The following CHD8 variants were observed in gnomAD, a reference collection of about 807,000 sequenced individuals.
CHD8 encodes ATP-dependent chromatin remodeler CHD8.
A neutral mutation model predicts 279.2 loss-of-function variants in CHD8; 31 were observed. The ratio of observed to expected loss-of-function variants is 0.11; its 90% CI spans 0.08 to 0.15. CHD8 has a LOEUF of 0.15. Ranked by LOEUF, CHD8 falls within the 10% of genes least tolerant of loss-of-function variation. CHD8 has a pLI of 1.00. For missense variants in CHD8, 2,146 were observed against 3,230.5 expected (o/e 0.66, Z 8.14); for synonymous variants, 1,081 against 1,139.6 (o/e 0.95, Z 1.04).
At position 21,386,003 on chromosome 14, in the gene CHD8, A is replaced by C. The variant is rs752641678; in HGVS notation, c.7356T>G (p.Ser2452Arg). 6.2e-5 allele frequency: 99 copies of C among 1,589,862 alleles called. No individual in the cohort carries two copies. Among genetic ancestry groups the C allele is most frequent in the Non-Finnish European group, 8.5e-5 (99 of 1,167,670 alleles). Reference protein sequence around the residue: ...SLHNTFQHSSSGLQSVSSLGH... With the variant: ...SLHNTFQHSSRGLQSVSSLGH... ...CCAAAGATGACACAGACTGTAGGCC[A>C]CTACTGCTGTGTTGGAACGTGTTAT... The change falls in exon 38 of 38, where the codon AGT becomes AGG. Residue 2452 changes from serine to arginine, a missense_variant. Transcript: ENST00000646647.
rs1301933828 is a variant in CHD8 at position 21,403,899 on chromosome 14, G to A, written c.3308-236C>T. 2.0e-5 allele frequency among the ~76,000 whole-genome samples: 3 copies of A among 152,166 alleles called. No homozygotes were observed. The highest frequency in any genetic ancestry group is 4.4e-5 in the Non-Finnish European group (3 of 68,036). On this transcript the variant is annotated intron_variant, in intron 16 of 37. Coordinates refer to ENST00000646647, the MANE Select transcript of CHD8 (RefSeq NM_001170629.2). The surrounding 1 kb of genome is among the most constrained non-coding windows in gnomAD (Gnocchi z 4.3). The stretch of plus-strand genomic sequence containing the variant: ...GGATCACTTGAGGTCAGGAGTTCGA[G>A]ACCAGTCTGGCCAACATGGTGAAAC...
At position 21,405,587 on chromosome 14, in the gene CHD8, C is replaced by T; in HGVS notation, c.3052-123G>A. 1 of 1,466,738 alleles carries T rather than the reference C, an allele frequency of 6.8e-7. No homozygotes were observed. Among genetic ancestry groups the T allele is most frequent in the Non-Finnish European group, 9.2e-7 (1 of 1,082,814 alleles). The allele number at this position is 1,466,738 out of a possible 1,614,324, so 90.9% of individuals were successfully genotyped here. A position where few individuals can be genotyped will look rare whatever the true frequency, so the allele number is the denominator to read the frequency against. On this transcript the variant is annotated intron_variant, in intron 15 of 37. Coordinates refer to ENST00000646647, the MANE Select transcript of CHD8 (RefSeq NM_001170629.2). The surrounding 1 kb of genome is among the most constrained non-coding windows in gnomAD (Gnocchi z 4.2). ...TAAGAAATGTATACTTTGGATGATG[C>T]CACAAATGATGTAGGCACAAGGTTA...
At chr14:21,436,787 A>T in intron 1 of CHD8, 1 of 407,912 alleles carries the variant, frequency 2.5e-6, no homozygotes, top group Non-Finnish European at 4.8e-6. Context: ...TAAAGAAGAA[A>T]CTAGAGAGAT....
chr14:21,429,122 T>A lies in CHD8; in HGVS notation c.1057A>T (p.Ile353Phe), dbSNP rs759245173. Residue 353 changes from isoleucine to phenylalanine, a missense_variant, in exon 3 of 38, where the codon ATT becomes TTT. Physicochemically the swap from Ile to Phe is conservative, Grantham distance 21. Coordinates refer to ENST00000646647, the MANE Select transcript of CHD8 (RefSeq NM_001170629.2). ...QVQQPQQKIQIVPQPPSSQPQ... is the reference protein window; with the variant it reads ...QVQQPQQKIQFVPQPPSSQPQ... ...TGCGATGATGGTGGTTGTGGTACAA[T>A]CTGGATTTTTTGCTGTGGCTGCTGC... The A allele has an allele frequency of 1.9e-6, 3 of 1,613,910 alleles. No individual in the cohort carries two copies. The highest frequency in any genetic ancestry group is 3.3e-5 in the Admixed American group (2 of 60,012).
Position 21,402,284 on chromosome 14 carries a change from CCTCT to C in CHD8, c.3882+48_3882+51del. The C allele has an allele frequency of 6.3e-7, 1 of 1,595,920 alleles. No homozygotes were observed. The highest frequency in any genetic ancestry group is 8.6e-7 in the Non-Finnish European group (1 of 1,164,514). ...CCTGTGTACAAATAGCTTTTGTTTCCCTCTATCACAATGATCTACTACAAACTTA... is the reference window on the plus strand; with the variant it reads ...CCTGTGTACAAATAGCTTTTGTTTCCATCACAATGATCTACTACAAACTTA... On this transcript the variant is annotated intron_variant, in intron 19 of 37. Transcript: ENST00000646647. This position sits in a 1 kb window ranked among gnomAD's most constrained non-coding sequence, Gnocchi z 4.5.
chr14:21,418,445 A>C lies in CHD8; in HGVS notation c.1717-2538T>G, dbSNP rs144761937. 8.6e-3 allele frequency among the ~76,000 whole-genome samples: 1,303 copies of C among 152,214 alleles called. 9 individuals carry two copies. The highest frequency in any genetic ancestry group is 0.013 in the Non-Finnish European group (911 of 68,014). ...TGAGGCATGAGGATCACTTGAATGC[A>C]GGAGGCGGAGGTTGCAGTGAGCCAA... On this transcript the variant is annotated intron_variant, in intron 5 of 37. Coordinates refer to ENST00000646647, the MANE Select transcript of CHD8 (RefSeq NM_001170629.2).
At chr14:21,423,521 CTTT>C (rs957784464) in intron 5 of CHD8, among the ~76,000 whole-genome samples, 1 of 148,676 alleles carries the variant, frequency 6.7e-6, no homozygotes, top group African/African-American at 2.5e-5. Context: ...TATCCATGAA[CTTT>C]TTTTTTTGGC....
Position 21,400,061 on chromosome 14 carries a change from C to T in CHD8, c.4737G>A (p.Leu1579=). The change falls in exon 25 of 38, where the codon TTG becomes TTA. Residue 1579 remains leucine, a synonymous_variant. Transcript: ENST00000646647. This position sits in a 1 kb window ranked among gnomAD's most constrained non-coding sequence, Gnocchi z 4.2. ...HLKHQCNKVL[L]RVRMLYYLRQ... ...TCAGGTAGTATAGCATTCGTACCCG[C>T]AACAGTACCCTAGAAAGGACAGAGG... The T allele has an allele frequency of 6.2e-7, 1 of 1,613,694 alleles. No individual in the cohort carries two copies. The highest frequency in any genetic ancestry group is 8.5e-7 in the Non-Finnish European group (1 of 1,179,798).
chr14:21,396,054 T>G (rs892501229), intron 27 of CHD8, among the ~76,000 whole-genome samples, 162 bp from the exon 28 acceptor site: 5 of 152,176 alleles, frequency 3.3e-5, no homozygotes, highest in Non-Finnish European at 7.3e-5. Flanking sequence ...TGGAGTGTCA[T>G]GGCCCTATCA....
In CHD8 at chr14:21,401,436, CT is replaced by C. The variant is rs1317458634; in HGVS notation, c.4139del (p.Lys1380ArgfsTer4). On this transcript the variant is annotated frameshift_variant, in exon 21 of 38. Transcript: ENST00000646647. LOFTEE classifies it high-confidence loss of function. ...DPNFWQKWAK[K>X]ADLDMDLLNS... ...TGAGCAGATCCATGTCTAGGTCAGC[CT>C]TTTTGGCCCACTTTTGCCAAAAGTT... is the stretch of plus-strand genomic sequence containing the variant. 1.2e-6 allele frequency: 2 copies of C among 1,601,308 alleles called. No individual in the cohort carries two copies. The highest frequency in any genetic ancestry group is 2.3e-5 in the South Asian group (2 of 88,626).
At position 21,447,147 on chromosome 14, in the gene CHD8, C is replaced by G. The variant is rs534218327; in HGVS notation, c.-216+8885G>C. Among the ~76,000 whole-genome samples the G allele has an allele frequency of 1.2e-4, 18 of 152,314 alleles. No individual in the cohort carries two copies. In the South Asian group the frequency reaches 3.5e-3, roughly 30 times the overall value. ...TCCTACCAGAAACATTCAGAAGTAT[C>G]ATAAAATCACAAGCACCTTCACTTT... On this transcript the variant is annotated intron_variant, in intron 1 of 37. Coordinates refer to ENST00000646647, the MANE Select transcript of CHD8 (RefSeq NM_001170629.2).
chr14:21,392,920 GA>G, intron 33 of CHD8, 111 bp from the exon 34 acceptor site: 1 of 1,265,182 alleles, frequency 7.9e-7, no homozygotes, highest in Non-Finnish European at 1.1e-6. Context: ...TCATAAGGCA[GA>G]AAAGAGGAAG....
At position 21,401,532 on chromosome 14, in the gene CHD8, A is replaced by G; in HGVS notation, c.4063-19T>C. ...AGCTTGCCTAGAGAAAAACAAATGC[A>G]GAGGTAAAGCTGACTTTTTTTTTTA... On this transcript the variant is annotated intron_variant, in intron 20 of 37. Transcript: ENST00000646647. 1 of 1,437,600 alleles carries G rather than the reference A, an allele frequency of 7.0e-7. No individual in the cohort carries two copies. The highest frequency in any genetic ancestry group is 1.6e-5 in the African/African-American group (1 of 61,914). The allele number at this position is 1,437,600 out of a possible 1,614,324, so 89.1% of individuals were successfully genotyped here.
At chr14:21,445,784 G>A (rs1381142670) in intron 1 of CHD8, among the ~76,000 whole-genome samples, 2 of 149,428 alleles carry the variant, frequency 1.3e-5, no homozygotes, top group African/African-American at 4.9e-5. Flanking sequence ...GGTGGATCAC[G>A]AGGTCAGGAG....
chr14:21,431,698 G>A lies in CHD8; in HGVS notation c.-55C>T, dbSNP rs765589045. The A allele has an allele frequency of 1.8e-5, 28 of 1,596,038 alleles. No homozygotes were observed. The highest frequency in any genetic ancestry group is 2.1e-5 in the Non-Finnish European group (25 of 1,171,290). ...AAGGTCTAGGGAGGGAAGGGGAGGG[G>A]GGGTACTGGCTCTCCCCTCCCCTCC... On this transcript the variant is annotated 5_prime_UTR_variant, in exon 2 of 38. Transcript: ENST00000646647.
intron 2 of CHD8, 25 bp downstream of exon 2, chr14:21,430,776 C>A (rs779584726): frequency 4.0e-6 from 6 of 1,517,974 alleles, no homozygotes; most frequent in Non-Finnish European, 5.3e-6. Context: ...AACCAAAATT[C>A]ACCTCCCCCT....
At position 21,400,436 on chromosome 14, in the gene CHD8, G is replaced by T; in HGVS notation, c.4547C>A (p.Thr1516Lys). Residue 1516 changes from threonine to lysine, a missense_variant, in exon 23 of 38, where the codon ACA (threonine) becomes AAA (lysine). Thr to Lys is a moderately conservative substitution (Grantham distance 78). Coordinates refer to ENST00000646647, the MANE Select transcript of CHD8 (RefSeq NM_001170629.2). The surrounding 1 kb of genome is among the most constrained non-coding windows in gnomAD (Gnocchi z 4.2). ...DLISPAENGKTKELQNHSGLS... is the reference protein window; with the variant it reads ...DLISPAENGKKKELQNHSGLS... ...ACCTGAATGATTCTGCAATTCTTTT[G>T]TCTTGCCATTTTCAGCTGGGCTAAT... is the stretch of plus-strand genomic sequence containing the variant. The T allele has an allele frequency of 6.2e-7, 1 of 1,600,536 alleles. No homozygotes were observed.
chr14:21,425,726 G>C (rs2139525747), intron 5 of CHD8: 1 of 159,994 alleles, frequency 6.3e-6, no homozygotes, highest in East Asian at 1.8e-4. Flanking sequence ...TTGAGGTCAG[G>C]AGTTCAAGAC....
rs370731191 is a variant in CHD8 at position 21,400,522 on chromosome 14, G to A, written c.4461C>T (p.Leu1487=). 1.1e-4 allele frequency: 179 copies of A among 1,613,380 alleles called. No homozygotes were observed. Among genetic ancestry groups the A allele is most frequent in the Non-Finnish European group, 1.4e-4 (164 of 1,179,780 alleles). ...CACGGTAGTGTAGAAGACAGTACAC[G>A]AGAATGGCCCGACAAATGGTCTCCA... The part of the protein sequence containing the change: ...RDVETICRAI[L]VYCLLHYRGD... The change falls in exon 23 of 38, where the codon CTC becomes CTT. Residue 1487 remains leucine (L), a synonymous_variant. Coordinates refer to ENST00000646647, the MANE Select transcript of CHD8 (RefSeq NM_001170629.2). This position sits in a 1 kb window ranked among gnomAD's most constrained non-coding sequence, Gnocchi z 4.2.
Sources: gnomAD v4.1 joint callset for allele counts (sites outside exome capture counted in the v4.1 genomes callset) on GRCh38, gnomAD v4.1.1 for gene constraint, Gnocchi (gnomAD v3.1) non-coding constraint, MANE v1.5 for transcripts, NCBI Gene and HGNC (gene_info 2026-07-23, HGNC 2026-07-21) for gene names.